Variants in NCK2 observed in about 807,000 individuals in gnomAD.
NCK2 encodes the protein NCK adaptor protein 2, also known as cytoplasmic protein NCK2.
A neutral mutation model predicts 33.9 loss-of-function variants in NCK2; 16 were observed. The observed-to-expected ratio is 0.47, with a 90% confidence interval of 0.32 to 0.72. The LOEUF (loss-of-function observed/expected upper bound fraction) is 0.72, where lower values mean the gene tolerates loss of function less well. Among genes scored for constraint, NCK2 ranks in the 30% least tolerant of loss-of-function variants. The probability of loss-of-function intolerance (pLI) is 0.03; values close to 1 mark genes in which losing one functional copy is unlikely to be tolerated. For synonymous variants in NCK2, 273 were observed against 239.9 expected (o/e 1.14, Z -1.27); for missense variants, 418 against 537.3 (o/e 0.78, Z 2.19).
At chr2:105,796,536 G>A (rs550380678) in intron 1 of NCK2, among the ~76,000 whole-genome samples, 1 of 152,304 alleles carries the variant, frequency 6.6e-6, no homozygotes, top group African/African-American at 2.4e-5. Context: ...CTGGGGACAT[G>A]AGTGTGTGGC....
chr2:105,878,864 G>A (rs1297437542), intron 3 of NCK2, among the ~76,000 whole-genome samples: 1 of 152,200 alleles, frequency 6.6e-6, no homozygotes, highest in Non-Finnish European at 1.5e-5. Context: ...TGATGGAGAA[G>A]TATAAGCTCT....
intron 1 of NCK2, among the ~76,000 whole-genome samples, chr2:105,800,887 A>G (rs928679658): frequency 6.6e-6 from 1 of 152,214 alleles, no homozygotes; most frequent in Non-Finnish European, 1.5e-5. Flanking sequence ...TCGAGGTTCC[A>G]TGGGATTACA....
intron 1 of NCK2, among the ~76,000 whole-genome samples, chr2:105,774,089 A>G (rs754119859): frequency 6.6e-6 from 1 of 150,912 alleles, no homozygotes; most frequent in Non-Finnish European, 1.5e-5. Flanking sequence ...GCTCACTGCA[A>G]CCTCTGTCTC....
chr2:105,881,353 C>A lies in NCK2; in HGVS notation c.252C>A (p.Thr84=). Residue 84 remains threonine, a synonymous_variant, in exon 4 of 5, where the codon ACC becomes ACA. Coordinates refer to ENST00000233154, the MANE Select transcript of NCK2 (RefSeq NM_003581.5). ...TLGLGKTRRK[T]SARDASPTPS... ...GCCTCGGCAAGACGCGCAGGAAGAC[C>A]AGCGCGCGGGATGCGTCCCCCACGC... is the stretch of plus-strand genomic sequence containing the variant. 6.2e-7 allele frequency: 1 copy of A among 1,603,666 alleles called. No homozygotes were observed. Among genetic ancestry groups the A allele is most frequent in the Non-Finnish European group, 8.5e-7 (1 of 1,177,736 alleles).
intron 1 of NCK2, among the ~76,000 whole-genome samples, chr2:105,771,039 C>T (rs1690119711): frequency 6.6e-6 from 1 of 152,076 alleles, no homozygotes; most frequent in Admixed American, 6.5e-5. Context: ...TCTCCTGCCT[C>T]AGCCTCCCGA....
At chr2:105,881,224 C>G in intron 3 of NCK2, 104 bp from the exon 4 acceptor site, 1 of 1,460,382 alleles carries the variant, frequency 6.8e-7, no homozygotes, top group Non-Finnish European at 9.1e-7. Flanking sequence ...GTGTCGTCCC[C>G]TTGTATTTAA....
At chr2:105,770,093 T>C (rs1027185190) in intron 1 of NCK2, among the ~76,000 whole-genome samples, 4 of 147,720 alleles carry the variant, frequency 2.7e-5, no homozygotes, top group African/African-American at 1.0e-4. Flanking sequence ...ATTTTTGCAC[T>C]TAATTTCATG....
intron 2 of NCK2, among the ~76,000 whole-genome samples, chr2:105,834,059 A>G (rs561820172): frequency 2.4e-3 from 362 of 152,368 alleles, no homozygotes; most frequent in South Asian, 4.4e-3. Context: ...ATGACCAAAC[A>G]TACTGTAAAT....
At chr2:105,884,298 C>T (rs1394937426) in intron 4 of NCK2, among the ~76,000 whole-genome samples, 1 of 152,202 alleles carries the variant, frequency 6.6e-6, no homozygotes, top group Non-Finnish European at 1.5e-5. Flanking sequence ...TGGCATTTCT[C>T]AGGTTAGAGC....
At chr2:105,810,787 C>T (rs1648575760) in intron 1 of NCK2, among the ~76,000 whole-genome samples, 2 of 152,126 alleles carry the variant, frequency 1.3e-5, no homozygotes, top group African/African-American at 2.4e-5. Flanking sequence ...CTTTACAAAC[C>T]TTGTCACAAA....
Position 105,881,918 on chromosome 2 carries a change from G to A in NCK2, c.817G>A (p.Gly273Arg), listed in dbSNP as rs750648011. 1.9e-6 allele frequency: 3 copies of A among 1,565,030 alleles called. No homozygotes were observed. The highest frequency in any genetic ancestry group is 2.7e-5 in the African/African-American group (2 of 73,392). The change falls in exon 4 of 5, where the codon GGG (glycine) becomes AGG (arginine). Residue 273 changes from glycine (G) to arginine (R), a missense_variant. Physicochemically the swap from Gly to Arg is moderately radical, Grantham distance 125. Transcript: ENST00000233154. Reference protein sequence around the residue: ...PAHAPQISYTGPSSSGRFAGR... With the variant: ...PAHAPQISYTRPSSSGRFAGR... ...GCACGCCCCACAGATAAGCTACACCGGGCCCTCGTCCAGCGGGCGCTTCGC... is the reference window on the plus strand; with the variant it reads ...GCACGCCCCACAGATAAGCTACACCAGGCCCTCGTCCAGCGGGCGCTTCGC...
intron 2 of NCK2, among the ~76,000 whole-genome samples, chr2:105,851,208 G>T (rs1269027956): frequency 1.3e-5 from 2 of 152,094 alleles, no homozygotes; most frequent in Non-Finnish European, 2.9e-5. Context: ...ACTGTAGGGG[G>T]TGCCTCCTTC....
intron 3 of NCK2, 182 bp downstream of exon 3, chr2:105,855,471 T>C (rs1677224742): frequency 1.8e-6 from 1 of 569,738 alleles, no homozygotes; most frequent in East Asian, 3.0e-5. Context: ...ATGTTTTTCA[T>C]TTCCTGGAGA....
At position 105,881,489 on chromosome 2, in the gene NCK2, T is replaced by A; in HGVS notation, c.388T>A (p.Leu130Met). ...CTATGTGGCCGAGCGGGAGGATGAG[T>A]TGTCCCTGGTGAAGGGGTCGCGCGT... is the stretch of plus-strand genomic sequence containing the variant. ...FAYVAEREDE[L>M]SLVKGSRVTV... The change falls in exon 4 of 5, where the codon TTG becomes ATG. Residue 130 changes from leucine (L) to methionine (M), a missense_variant. Transcript: ENST00000233154. 1.2e-6 allele frequency: 2 copies of A among 1,613,826 alleles called. No homozygotes were observed. The highest frequency in any genetic ancestry group is 1.7e-6 in the Non-Finnish European group (2 of 1,179,950).
intron 1 of NCK2, among the ~76,000 whole-genome samples, chr2:105,814,692 G>T (rs1282984714): frequency 6.6e-6 from 1 of 152,146 alleles, no homozygotes; most frequent in Non-Finnish European, 1.5e-5. Context: ...AGTCGGTTGG[G>T]AAAAACCTTT....
chr2:105,823,323 A>G (rs1675820282), intron 2 of NCK2, among the ~76,000 whole-genome samples: 1 of 151,922 alleles, frequency 6.6e-6, no homozygotes, highest in Non-Finnish European at 1.5e-5. Flanking sequence ...GTGTCATTCA[A>G]GTTGGGCGTG....
At chr2:105,832,658 A>G (rs2104526230) in intron 2 of NCK2, among the ~76,000 whole-genome samples, 2 of 149,832 alleles carry the variant, frequency 1.3e-5, no homozygotes, top group East Asian at 3.9e-4. Flanking sequence ...CCACTTGATC[A>G]TGGTGTATTG....
intron 3 of NCK2, among the ~76,000 whole-genome samples, chr2:105,871,341 G>T (rs1319989305): frequency 6.6e-6 from 1 of 151,936 alleles, no homozygotes; most frequent in Non-Finnish European, 1.5e-5. Context: ...TTATTGTAGT[G>T]CTGGTTACTG....
chr2:105,836,895 C>CTAGAA, intron 2 of NCK2, among the ~76,000 whole-genome samples: 1 of 152,178 alleles, frequency 6.6e-6, no homozygotes, highest in Middle Eastern at 3.2e-3. Context: ...CATGAATGGT[C>CTAGAA]TTTCTAGAGT....
Sources: allele counts gnomAD v4.1 joint callset (sites outside exome capture counted in the v4.1 genomes callset), GRCh38; gene constraint gnomAD v4.1.1; transcripts MANE v1.5; gene names NCBI Gene and HGNC (gene_info 2026-07-23, HGNC 2026-07-21).